CNTN5: variants seen among roughly 807,000 people sequenced by gnomAD.
CNTN5 encodes the protein contactin 5.
CNTN5 carries 77 observed loss-of-function variants against 129.1 expected under a neutral mutation model. The observed-to-expected ratio is 0.60, with a 90% CI of 0.50 to 0.72. CNTN5 has a LOEUF of 0.72. Ranked by LOEUF, CNTN5 falls within the 30% of genes least tolerant of loss-of-function variation. The pLI is 0.00. For missense variants in CNTN5, 1,478 were observed against 1,328.8 expected (o/e 1.11, Z -1.75); for synonymous variants, 509 against 465.6 (o/e 1.09, Z -1.20).
chr11:99,592,616 G>C (rs1012544208), intron 3 of CNTN5, among the ~76,000 whole-genome samples: 1 of 151,902 alleles, frequency 6.6e-6, no homozygotes, highest in Admixed American at 6.6e-5. Flanking sequence ...CTCTGTTGAA[G>C]CGTTCAAAAA....
At chr11:99,462,597 G>T (rs562616277) in intron 2 of CNTN5, among the ~76,000 whole-genome samples, 1 of 152,048 alleles carries the variant, frequency 6.6e-6, no homozygotes, top group South Asian at 2.1e-4. Context: ...AAACAAGACC[G>T]TAATAATGCC....
intron 2 of CNTN5, among the ~76,000 whole-genome samples, chr11:99,402,655 G>T (rs1435723530): frequency 6.6e-6 from 1 of 152,086 alleles, no homozygotes; most frequent in Non-Finnish European, 1.5e-5. Flanking sequence ...ATTGGTATTA[G>T]TTCTTTAAAT....
intron 3 of CNTN5, among the ~76,000 whole-genome samples, chr11:99,688,388 G>A (rs1953887211): frequency 6.6e-6 from 1 of 151,682 alleles, no homozygotes; most frequent in African/African-American, 2.4e-5. Context: ...CACACTTCAG[G>A]GACTACTTGA....
chr11:99,708,620 C>G (rs964616450), intron 3 of CNTN5, among the ~76,000 whole-genome samples: 7 of 151,684 alleles, frequency 4.6e-5, no homozygotes, highest in African/African-American at 1.7e-4. Flanking sequence ...TCAAATCTAA[C>G]TAAACGTTCT....
intron 17 of CNTN5, among the ~76,000 whole-genome samples, chr11:100,267,118 G>T (rs1266196709): frequency 6.6e-6 from 1 of 152,074 alleles, no homozygotes; most frequent in Non-Finnish European, 1.5e-5. Context: ...CAGGGTCAGT[G>T]TATCAGTCAA....
intron 7 of CNTN5, among the ~76,000 whole-genome samples, chr11:99,923,440 T>G (rs12803182): frequency 0.068 from 10,282 of 152,248 alleles, 403 homozygotes; most frequent in Non-Finnish European, 0.085. Flanking sequence ...CTATATAAAG[T>G]TATTTTACTA....
At chr11:100,023,202 G>C (rs1941251456) in intron 9 of CNTN5, among the ~76,000 whole-genome samples, 1 of 152,002 alleles carries the variant, frequency 6.6e-6, no homozygotes, top group Non-Finnish European at 1.5e-5. Context: ...TTTTGTCTTT[G>C]TATGTTTCAC....
intron 6 of CNTN5, among the ~76,000 whole-genome samples, chr11:99,909,222 A>G (rs937331789): frequency 3.9e-5 from 6 of 152,042 alleles, no homozygotes; most frequent in Non-Finnish European, 7.4e-5. Context: ...ACAAATATTT[A>G]AAAGAATTAT....
intron 3 of CNTN5, among the ~76,000 whole-genome samples, chr11:99,751,950 C>T (rs1944250796): frequency 1.3e-5 from 2 of 152,118 alleles, no homozygotes; most frequent in South Asian, 4.1e-4. Flanking sequence ...TTCATCCTCT[C>T]CTTAGGATGT....
intron 1 of CNTN5, among the ~76,000 whole-genome samples, chr11:99,274,208 G>A (rs149326255): frequency 1.2e-4 from 18 of 151,760 alleles, no homozygotes; most frequent in African/African-American, 4.1e-4. Context: ...GGAGCAGTAA[G>A]CTTATTATAT....
chr11:99,407,597 C>T (rs936826390), intron 2 of CNTN5, among the ~76,000 whole-genome samples: 1 of 152,210 alleles, frequency 6.6e-6, no homozygotes, highest in Non-Finnish European at 1.5e-5. Flanking sequence ...TATCCCCCAA[C>T]TCAACTGGCT....
At chr11:99,963,061 C>A (rs1393411552) in intron 8 of CNTN5, among the ~76,000 whole-genome samples, 1 of 152,142 alleles carries the variant, frequency 6.6e-6, no homozygotes, top group Non-Finnish European at 1.5e-5. Context: ...GATATTAGCC[C>A]TTTGTCAGAT....
At chr11:100,311,953 A>T (rs1326693308) in intron 21 of CNTN5, among the ~76,000 whole-genome samples, 1 of 152,118 alleles carries the variant, frequency 6.6e-6, no homozygotes, top group East Asian at 1.9e-4. Context: ...TGAAAACAGA[A>T]AGTTAACAAG....
rs983943492 is a variant in CNTN5 at position 99,910,057 on chromosome 11, A to G, written c.578-5997A>G. Among the ~76,000 whole-genome samples, 6 of 152,264 alleles carry G rather than the reference A, an allele frequency of 3.9e-5. No homozygotes were observed. The East Asian group carries it at 9.7e-4, about 25-fold the overall frequency. ...TTGATTAAAAACATTGTAAACCAAG[A>G]GTATCATAATAGCTCTAGATTTTTA... is the stretch of plus-strand genomic sequence containing the variant. On this transcript the variant is annotated intron_variant, in intron 6 of 24. Coordinates refer to ENST00000524871, the MANE Select transcript of CNTN5 (RefSeq NM_014361.4).
chr11:99,541,956 C>CAAAAAAAAAAAA (rs56363127), intron 2 of CNTN5, among the ~76,000 whole-genome samples: 99 of 68,818 alleles, frequency 1.4e-3, no homozygotes, highest in Non-Finnish European at 1.7e-3. Context: ...GATCTTGTCT[C>CAAAAAAAAAAAA]AAAAAAAAAA....
chr11:99,868,950 A>T (rs1009371006), intron 6 of CNTN5, among the ~76,000 whole-genome samples: 1 of 152,224 alleles, frequency 6.6e-6, no homozygotes, highest in Non-Finnish European at 1.5e-5. Flanking sequence ...AAATGCTGAC[A>T]GGCAATAGCA....
At chr11:99,293,729 A>G (rs555204355) in intron 1 of CNTN5, among the ~76,000 whole-genome samples, 2 of 152,074 alleles carry the variant, frequency 1.3e-5, no homozygotes, top group East Asian at 3.9e-4. Context: ...ATAGTCTCTA[A>G]TGACTTTTTG....
At chr11:99,325,897 G>C (rs2041777460) in intron 2 of CNTN5, among the ~76,000 whole-genome samples, 1 of 152,156 alleles carries the variant, frequency 6.6e-6, no homozygotes, top group Non-Finnish European at 1.5e-5. Flanking sequence ...CTTTTTGTAT[G>C]TGCTCGAATT....
At chr11:99,342,230 G>A (rs1466960950) in intron 2 of CNTN5, among the ~76,000 whole-genome samples, 2 of 151,880 alleles carry the variant, frequency 1.3e-5, no homozygotes, top group Non-Finnish European at 2.9e-5. Flanking sequence ...TTACAATCTA[G>A]TGTGTGTAAT....
Sources: allele counts gnomAD v4.1 joint callset (sites outside exome capture counted in the v4.1 genomes callset), GRCh38; gene constraint gnomAD v4.1.1; transcripts MANE v1.5; gene names NCBI Gene and HGNC (gene_info 2026-07-23, HGNC 2026-07-21).